AMPD3: variants seen among roughly 807,000 people sequenced by gnomAD.
The protein encoded by AMPD3 is adenosine monophosphate deaminase 3.
Under a neutral mutation model 82.3 loss-of-function variants are expected in AMPD3, and 57 were observed. The ratio of observed to expected loss-of-function variants is 0.69; its 90% confidence interval spans 0.56 to 0.86. The LOEUF (loss-of-function observed/expected upper bound fraction) is 0.86. Ranked by LOEUF, AMPD3 falls within the 40% of genes least tolerant of loss-of-function variation. The pLI is 0.00. For synonymous variants in AMPD3, 381 were observed against 394.7 expected (o/e 0.97, Z 0.41); for missense variants, 870 against 1,003.8 (o/e 0.87, Z 1.80).
At chr11:10,478,864 G>A in intron 3 of AMPD3, 134 bp downstream of exon 3, 1 of 996,204 alleles carries the variant, frequency 1.0e-6, no homozygotes, top group South Asian at 1.4e-5. Context: ...AGGAGGCACA[G>A]GAGACAAGGA....
intron 12 of AMPD3, 42 bp from the exon 13 acceptor site, chr11:10,502,679 C>T: frequency 2.5e-6 from 4 of 1,610,484 alleles, no homozygotes; most frequent in Non-Finnish European, 3.4e-6. Flanking sequence ...CCCTTCTCCC[C>T]TCTCTGGCAC....
At chr11:10,470,890 A>G (rs2133855415) in intron 2 of AMPD3, among the ~76,000 whole-genome samples, 1 of 152,322 alleles carries the variant, frequency 6.6e-6, no homozygotes, top group East Asian at 1.9e-4. Context: ...TACTGCCCAA[A>G]GTAATTTATA....
intron 4 of AMPD3, among the ~76,000 whole-genome samples, chr11:10,483,678 C>G (rs1415608920): frequency 6.6e-6 from 1 of 152,258 alleles, no homozygotes; most frequent in Non-Finnish European, 1.5e-5. Flanking sequence ...ATTAGGGCCT[C>G]CTGAGCTGGC....
intron 2 of AMPD3, among the ~76,000 whole-genome samples, chr11:10,465,006 T>C (rs562076194): frequency 3.3e-5 from 5 of 152,342 alleles, no homozygotes; most frequent in Admixed American, 3.3e-4. Context: ...TGTCACTTAC[T>C]ACTGAATGGC....
At chr11:10,491,360 G>T (rs1489324259) in intron 6 of AMPD3, among the ~76,000 whole-genome samples, 1 of 152,186 alleles carries the variant, frequency 6.6e-6, no homozygotes, top group East Asian at 1.9e-4. Context: ...CAGTGAAAAG[G>T]CAGACTGGGG....
chr11:10,500,067 C>G lies in AMPD3; in HGVS notation c.1558-19C>G. 1 of 1,614,154 alleles carries G rather than the reference C, an allele frequency of 6.2e-7. No homozygotes were observed. The highest frequency in any genetic ancestry group is 8.5e-7 in the Non-Finnish European group (1 of 1,180,014). ...CCTGGTCCTGCCTTGGCCTGGTGCT[C>G]AGGACCTCTCCTGCCCAGGTGACGG... On this transcript the variant is annotated intron_variant, in intron 10 of 14. Coordinates refer to ENST00000396553, the MANE Select transcript of AMPD3 (RefSeq NM_001025389.2).
chr11:10,501,834 A>G (rs919111635), intron 12 of AMPD3: 1 of 982,794 alleles, frequency 1.0e-6, no homozygotes, highest in African/African-American at 1.7e-5. Context: ...AATAGCCATT[A>G]TTAGCTTTTT....
intron 6 of AMPD3, among the ~76,000 whole-genome samples, chr11:10,491,184 G>C (rs1053061203): frequency 6.6e-6 from 1 of 152,208 alleles, no homozygotes; most frequent in Non-Finnish European, 1.5e-5. Context: ...TCTAATGGCT[G>C]TCAGCAGCCT....
At chr11:10,464,524 T>TA (rs1848362835) in intron 2 of AMPD3, among the ~76,000 whole-genome samples, 1 of 152,158 alleles carries the variant, frequency 6.6e-6, no homozygotes, top group African/African-American at 2.4e-5. Flanking sequence ...GGAATGACAC[T>TA]AGGTGCTGCT....
intron 1 of AMPD3, chr11:10,461,066 G>A (rs983441572): frequency 1.2e-5 from 14 of 1,164,222 alleles, no homozygotes; most frequent in African/African-American, 1.1e-4. Flanking sequence ...AATCTTGTGC[G>A]ACCTTAGCTG....
At position 10,496,500 on chromosome 11, in the gene AMPD3, C is replaced by T. The variant is rs563591893; in HGVS notation, c.1431-312C>T. The T allele has an allele frequency of 1.1e-5, 11 of 985,414 alleles. No homozygotes were observed. In the South Asian group the frequency reaches 4.7e-4, roughly 42 times the overall value. 61.0% of individuals were successfully genotyped at this position (985,414 alleles called of 1,614,324 possible). A position where few individuals can be genotyped will look rare whatever the true frequency, so the allele number is the denominator to read the frequency against. ...GCTGAGTAACAGAATGTTTGGGTCA[C>T]TGGGAATTTGAGGATTCATATCTCA... On this transcript the variant is annotated intron_variant, in intron 9 of 14. Transcript: ENST00000396553.
chr11:10,489,212 TC>T (rs1424797968), intron 6 of AMPD3, among the ~76,000 whole-genome samples: 1 of 152,152 alleles, frequency 6.6e-6, no homozygotes, highest in Non-Finnish European at 1.5e-5. Flanking sequence ...TGTGAACTCC[TC>T]TCAGCCCTGC....
intron 10 of AMPD3, chr11:10,499,734 T>G (rs781627428): frequency 2.6e-5 from 26 of 984,824 alleles, no homozygotes; most frequent in Non-Finnish European, 3.0e-5. Context: ...CACTCCTCCC[T>G]GCAGGCTGGC....
intron 11 of AMPD3, chr11:10,500,787 T>G (rs72859111): frequency 0.012 from 11,491 of 985,418 alleles, 79 homozygotes; most frequent in Middle Eastern, 0.014. Context: ...CAGAGGCTCC[T>G]ACCAATACGC....
chr11:10,504,404 G>C, intron 13 of AMPD3, 145 bp from the exon 14 acceptor site: 1 of 1,028,222 alleles, frequency 9.7e-7, no homozygotes, highest in Non-Finnish European at 1.5e-6. Flanking sequence ...CTTAGGCTTT[G>C]AAGGTGTGAT....
At chr11:10,484,429 G>T (rs573589675) in intron 4 of AMPD3, 1 of 985,156 alleles carries the variant, frequency 1.0e-6, no homozygotes. Context: ...AGAAGACACC[G>T]CTGCTCTTTT....
chr11:10,461,840 A>G, intron 2 of AMPD3, 100 bp downstream of exon 2: 1 of 1,122,092 alleles, frequency 8.9e-7, no homozygotes. Flanking sequence ...GGGGACTGGT[A>G]TGTCCCTAGA....
intron 5 of AMPD3, chr11:10,486,886 C>T (rs1849086297): frequency 1.0e-6 from 1 of 985,384 alleles, no homozygotes; most frequent in Non-Finnish European, 1.2e-6. Flanking sequence ...AGGCATAAAC[C>T]AGTTTAACCC....
rs1849408806 is a variant in AMPD3, at chr11:10,496,620, A to G, written c.1431-192A>G. 8 of 1,447,476 alleles carry G rather than the reference A, an allele frequency of 5.5e-6. No homozygotes were observed. The East Asian group carries it at 2.0e-4, about 37-fold the overall frequency. The allele number at this position is 1,447,476 out of a possible 1,614,324, so 89.7% of individuals were successfully genotyped here. ...GGCATGGGTAGGTGTGGAGCTTGCA[A>G]ACCAAGGCAGAATATTGCAGACATT... On this transcript the variant is annotated intron_variant, in intron 9 of 14. Transcript: ENST00000396553.
Sources: allele counts gnomAD v4.1 joint callset (sites outside exome capture counted in the v4.1 genomes callset), GRCh38; gene constraint gnomAD v4.1.1; transcripts MANE v1.5; gene names NCBI Gene and HGNC (gene_info 2026-07-23, HGNC 2026-07-21).